Variants in HNRNPUL1 observed in about 807,000 individuals in gnomAD.
The protein encoded by HNRNPUL1 is heterogeneous nuclear ribonucleoprotein U like 1.
A neutral mutation model predicts 108.5 loss-of-function variants in HNRNPUL1; 14 were observed. The observed-to-expected ratio is 0.13, with a 90% CI of 0.09 to 0.20. HNRNPUL1 has a LOEUF of 0.20. Among genes scored for constraint, HNRNPUL1 ranks in the 10% least tolerant of loss-of-function variants. HNRNPUL1 has a pLI of 1.00. For missense variants in HNRNPUL1, 804 were observed against 1,168.3 expected, an observed-to-expected ratio of 0.69 and a Z score of 4.55; for synonymous variants, 422 against 445.2, an observed-to-expected ratio of 0.95 and a Z score of 0.66.
At chr19:41,276,331 A>G (rs990013708) in intron 5 of HNRNPUL1, 33 bp downstream of exon 5, 10 of 1,574,280 alleles carry the variant, frequency 6.4e-6, no homozygotes, top group Admixed American at 1.8e-5. Flanking sequence ...GAAGGGACAG[A>G]GAAGTCCATC....
chr19:41,287,494 TGTCTTTA>T (rs2036304994), intron 7 of HNRNPUL1, among the ~76,000 whole-genome samples: 2 of 152,186 alleles, frequency 1.3e-5, no homozygotes, highest in African/African-American at 2.4e-5. Flanking sequence ...TCTTGCCATG[TGTCTTTA>T]GTTTCCTTTA....
In HNRNPUL1 at chr19:41,264,611, G is replaced by T; in HGVS notation, c.108G>T (p.Ala36=). 1 of 1,580,466 alleles carries T rather than the reference G, an allele frequency of 6.3e-7. No individual in the cohort carries two copies. Among genetic ancestry groups the T allele is most frequent in the Middle Eastern group, 1.9e-4 (1 of 5,244 alleles). The change falls in exon 1 of 15, where the codon GCG becomes GCT. Residue 36 remains alanine (A), a synonymous_variant. Transcript: ENST00000392006. ...AGCTTGCTGAGCGGCTGCAGGCGGC[G>T]TTGGAGGCCGAGGAGCCTGACGACG... The part of the protein sequence containing the change: ...KAELAERLQA[A]LEAEEPDDER...
intron 6 of HNRNPUL1, among the ~76,000 whole-genome samples, chr19:41,279,477 T>C (rs1775402087): frequency 6.6e-6 from 1 of 152,344 alleles, no homozygotes; most frequent in South Asian, 2.1e-4. Flanking sequence ...CAGTGTCTCC[T>C]GCCCTTAAAC....
intron 7 of HNRNPUL1, among the ~76,000 whole-genome samples, chr19:41,289,389 C>T (rs1256372374): frequency 6.6e-6 from 1 of 152,104 alleles, no homozygotes; most frequent in Non-Finnish European, 1.5e-5. Flanking sequence ...ACAGAATAAC[C>T]CATTTCAGCA....
chr19:41,301,390 G>A (rs966108032), intron 10 of HNRNPUL1, 146 bp from the exon 11 acceptor site: 1 of 641,816 alleles, frequency 1.6e-6, no homozygotes, highest in Non-Finnish European at 2.6e-6. Flanking sequence ...AATCTTCTAA[G>A]TAAAGAAGAG....
At chr19:41,272,480 A>C (rs2035300238) in intron 3 of HNRNPUL1, 2 of 410,088 alleles carry the variant, frequency 4.9e-6, no homozygotes, top group East Asian at 8.8e-5. Flanking sequence ...TTCACGCGTG[A>C]GATGCCAGCC....
At chr19:41,269,378 A>G (rs1470526869) in intron 2 of HNRNPUL1, among the ~76,000 whole-genome samples, 1 of 151,386 alleles carries the variant, frequency 6.6e-6, no homozygotes, top group Non-Finnish European at 1.5e-5. Context: ...TACTCAGGAG[A>G]CAAAGGTAGG....
chr19:41,272,270 G>A (rs1284824107), intron 3 of HNRNPUL1, 35 bp downstream of exon 3: 2 of 1,605,264 alleles, frequency 1.2e-6, no homozygotes, highest in African/African-American at 2.7e-5. Context: ...CCTTGCTCTG[G>A]TAGGTTTCTA....
chr19:41,303,906 A>C (rs2037387225), intron 12 of HNRNPUL1, 66 bp from the exon 13 acceptor site: 1 of 1,550,322 alleles, frequency 6.5e-7, no homozygotes, highest in African/African-American at 1.4e-5. Flanking sequence ...TCACCAAGAC[A>C]ACCCAGTTCC....
At chr19:41,303,290 G>C (rs1345598629) in intron 12 of HNRNPUL1, among the ~76,000 whole-genome samples, 1 of 151,932 alleles carries the variant, frequency 6.6e-6, no homozygotes, top group Non-Finnish European at 1.5e-5. Context: ...TCTTTGGCCA[G>C]GTCTGAAGAG....
In HNRNPUL1 at chr19:41,272,329, G is replaced by C. The variant is rs1242011090; in HGVS notation, c.572+94G>C. On this transcript the variant is annotated intron_variant, in intron 3 of 14. Coordinates refer to ENST00000392006, the MANE Select transcript of HNRNPUL1 (RefSeq NM_007040.6). ...GGGACATTTGCACTAACCTAGAGGG[G>C]CTGAGTAAAGATTCCCTCTGCTTTC... The C allele has an allele frequency of 5.7e-6, 7 of 1,220,340 alleles. No individual in the cohort carries two copies. The South Asian group carries it at 9.9e-5, about 17-fold the overall frequency. 75.6% of individuals were successfully genotyped at this position (1,220,340 alleles called of 1,614,324 possible).
At position 41,264,445 on chromosome 19, in the gene HNRNPUL1, G is replaced by A; in HGVS notation, c.-59G>A. On this transcript the variant is annotated 5_prime_UTR_variant, in exon 1 of 15. Coordinates refer to ENST00000392006, the MANE Select transcript of HNRNPUL1 (RefSeq NM_007040.6). ...TCGCCTCCTGACAGGAAAGGTTTAA[G>A]GGGGACAGAGCCCTGGGAGGCCGGG... 1.5e-6 allele frequency: 2 copies of A among 1,309,146 alleles called. No individual in the cohort carries two copies. The highest frequency in any genetic ancestry group is 2.0e-6 in the Non-Finnish European group (2 of 1,022,118). 81.1% of individuals were successfully genotyped at this position (1,309,146 alleles called of 1,614,324 possible). A position where few individuals can be genotyped will look rare whatever the true frequency, so the allele number is the denominator to read the frequency against.
chr19:41,273,292 C>T (rs1437994398), intron 3 of HNRNPUL1, among the ~76,000 whole-genome samples: 1 of 152,168 alleles, frequency 6.6e-6, no homozygotes, highest in Non-Finnish European at 1.5e-5. Flanking sequence ...CTGGGAGAGT[C>T]AGCAGCCAAA....
At chr19:41,270,226 G>T (rs939891652) in intron 2 of HNRNPUL1, among the ~76,000 whole-genome samples, 4 of 151,844 alleles carry the variant, frequency 2.6e-5, no homozygotes, top group Admixed American at 2.6e-4. Context: ...CAGGTGATCC[G>T]CCCGCCTCAG....
chr19:41,302,953 A>G lies in HNRNPUL1; in HGVS notation c.1972+4A>G. 1 of 1,522,322 alleles carries G rather than the reference A, an allele frequency of 6.6e-7. No homozygotes were observed. The highest frequency in any genetic ancestry group is 8.8e-7 in the Non-Finnish European group (1 of 1,137,208). The allele number at this position is 1,522,322 out of a possible 1,614,324, so 94.3% of individuals were successfully genotyped here. A position where few individuals can be genotyped will look rare whatever the true frequency, so the allele number is the denominator to read the frequency against. On this transcript the variant is annotated splice_donor_region_variant and intron_variant, in intron 12 of 14. Coordinates refer to ENST00000392006, the MANE Select transcript of HNRNPUL1 (RefSeq NM_007040.6). ...GGAGGAGGCAACTACCGAGGAGGTG[A>G]GACATCTCACACACAGCACTCTCCA...
chr19:41,300,121 C>T (rs563623389), intron 10 of HNRNPUL1, among the ~76,000 whole-genome samples: 2 of 152,220 alleles, frequency 1.3e-5, no homozygotes, highest in South Asian at 4.1e-4. Context: ...CTGTGTCCCC[C>T]TACTTGAGTA....
intron 5 of HNRNPUL1, among the ~76,000 whole-genome samples, chr19:41,277,084 G>A (rs1477323739): frequency 6.9e-6 from 1 of 145,182 alleles, no homozygotes; most frequent in Non-Finnish European, 1.5e-5. Flanking sequence ...GTGACAGAGT[G>A]AGACTCTGTC....
At chr19:41,303,350 A>ATTT (rs34393408) in intron 12 of HNRNPUL1, among the ~76,000 whole-genome samples, 10 of 119,088 alleles carry the variant, frequency 8.4e-5, no homozygotes, top group African/African-American at 2.3e-4. Flanking sequence ...GCTTCCTCTC[A>ATTT]TTTTTTTTTT....
intron 7 of HNRNPUL1, among the ~76,000 whole-genome samples, chr19:41,287,993 A>C (rs562639931): frequency 6.6e-6 from 1 of 152,236 alleles, no homozygotes; most frequent in African/African-American, 2.4e-5. Flanking sequence ...CCACACAGAC[A>C]ATATATAGAT....
Sources: allele counts gnomAD v4.1 joint callset (sites outside exome capture counted in the v4.1 genomes callset), GRCh38; gene constraint gnomAD v4.1.1; transcripts MANE v1.5; gene names NCBI Gene and HGNC (gene_info 2026-07-23, HGNC 2026-07-21).